BLTP3A: variants seen among roughly 807,000 people sequenced by gnomAD.
The protein encoded by BLTP3A is ICBP90 binding protein 1.
the BLTP3A span, among the ~76,000 whole-genome samples, chr6:34,860,778 T>C: frequency 6.6e-6 from 1 of 152,202 alleles, no homozygotes; most frequent in Non-Finnish European, 1.5e-5. Context: ...CCTGGACTTC[T>C]AATCACCCAA....
At chr6:34,842,852 T>C in the BLTP3A span, among the ~76,000 whole-genome samples, 1 of 152,190 alleles carries the variant, frequency 6.6e-6, no homozygotes, top group Non-Finnish European at 1.5e-5. Context: ...CTCAGAGTTA[T>C]ATGGTGAGAG....
At chr6:34,840,920 T>G in the BLTP3A span, among the ~76,000 whole-genome samples, 24 of 152,300 alleles carry the variant, frequency 1.6e-4, no homozygotes, top group East Asian at 4.5e-3. Flanking sequence ...CTAATTTCAC[T>G]TTTTAAATAC....
the BLTP3A span, chr6:34,836,418 A>T: frequency 1.4e-6 from 2 of 1,433,174 alleles, no homozygotes; most frequent in Non-Finnish European, 1.9e-6. Context: ...GAGCCTGGGG[A>T]TGAAGGCTCT....
At chr6:34,825,171 G>A in the BLTP3A span, among the ~76,000 whole-genome samples, 1 of 152,100 alleles carries the variant, frequency 6.6e-6, no homozygotes, top group Non-Finnish European at 1.5e-5. Context: ...GTATCATCAA[G>A]GTATCATTGA....
At chr6:34,850,235 T>G in the BLTP3A span, among the ~76,000 whole-genome samples, 2 of 152,216 alleles carry the variant, frequency 1.3e-5, no homozygotes, top group African/African-American at 4.8e-5. Context: ...CCAGACATAT[T>G]GAAGCTCCTT....
At chr6:34,861,092 C>T in the BLTP3A span, among the ~76,000 whole-genome samples, 1 of 152,134 alleles carries the variant, frequency 6.6e-6, no homozygotes, top group Non-Finnish European at 1.5e-5. Context: ...AAATACTCCA[C>T]AGGGCTAGGC....
chr6:34,810,186 T>C, the BLTP3A span, among the ~76,000 whole-genome samples: 1 of 152,166 alleles, frequency 6.6e-6, no homozygotes, highest in Non-Finnish European at 1.5e-5. Flanking sequence ...TTTCTCTGCT[T>C]CTTGGGAGCA....
At chr6:34,875,563 C>G in the BLTP3A span, 1 of 151,978 alleles carries the variant, frequency 6.6e-6, no homozygotes, top group Non-Finnish European at 1.5e-5. Context: ...CAGTAAGTAC[C>G]AAGGCTAACC....
the BLTP3A span, among the ~76,000 whole-genome samples, chr6:34,809,605 G>A: frequency 6.6e-6 from 1 of 151,988 alleles, no homozygotes; most frequent in African/African-American, 2.4e-5. Flanking sequence ...TTGCTCTGTT[G>A]CCCAGACTGG....
chr6:34,857,452 G>C, the BLTP3A span: 1 of 1,614,060 alleles, frequency 6.2e-7, no homozygotes, highest in South Asian at 1.1e-5. Context: ...TTACTTCCCA[G>C]ATAATCAGGA....
chr6:34,825,589 G>A, the BLTP3A span, among the ~76,000 whole-genome samples: 1 of 152,208 alleles, frequency 6.6e-6, no homozygotes, highest in African/African-American at 2.4e-5. Context: ...TCACAGGCGC[G>A]AGCCACTGAG....
chr6:34,818,593 A>G, the BLTP3A span, among the ~76,000 whole-genome samples: 1 of 152,210 alleles, frequency 6.6e-6, no homozygotes, highest in Non-Finnish European at 1.5e-5. Flanking sequence ...TACAAAAGGT[A>G]TGGAGTAGCG....
chr6:34,821,393 A>G, the BLTP3A span: 2 of 350,174 alleles, frequency 5.7e-6, no homozygotes, highest in Admixed American at 8.7e-5. Context: ...CATAGGTCTC[A>G]CCTAACATCT....
chr6:34,811,785 G>GGAGGT, the BLTP3A span, among the ~76,000 whole-genome samples: 8 of 151,822 alleles, frequency 5.3e-5, no homozygotes, highest in East Asian at 1.6e-3. Context: ...CTTGAACCCA[G>GGAGGT]GAGGTGGTTT....
the BLTP3A span, chr6:34,855,648 C>T: frequency 1.2e-6 from 2 of 1,613,816 alleles, no homozygotes; most frequent in Non-Finnish European, 1.7e-6. Context: ...TGGGTGGTGC[C>T]ATGCAGCTTA....
chr6:34,825,335 T>TC, the BLTP3A span, among the ~76,000 whole-genome samples: 1 of 152,124 alleles, frequency 6.6e-6, no homozygotes, highest in Admixed American at 6.6e-5. Context: ...GAGATGGAGT[T>TC]TCGCTTTTGT....
the BLTP3A span, among the ~76,000 whole-genome samples, chr6:34,838,337 C>G: frequency 6.6e-6 from 1 of 152,096 alleles, no homozygotes; most frequent in African/African-American, 2.4e-5. Flanking sequence ...TCTTGTTTCA[C>G]TTGAAAAGAA....
chr6:34,798,594 C>CTTTTTTTTTTTTTTTTTTTTCTTTTT, the BLTP3A span, among the ~76,000 whole-genome samples: 1 of 94,500 alleles, frequency 1.1e-5, no homozygotes, highest in Non-Finnish European at 2.0e-5. Context: ...TTCTTTCTTT[C>CTTTTTTTTTTTTTTTTTTTTCTTTTT]TTTTTTTTTT....
chr6:34,871,108 A>G, the BLTP3A span: 1 of 1,611,432 alleles, frequency 6.2e-7, no homozygotes. Context: ...CTCCAGCATC[A>G]CCCTAAAGGT....
Sources: allele counts gnomAD v4.1 joint callset (sites outside exome capture counted in the v4.1 genomes callset), GRCh38; gene constraint gnomAD v4.1.1; transcripts MANE v1.5; gene names NCBI Gene and HGNC (gene_info 2026-07-23, HGNC 2026-07-21).